The following DOCK5 variants were observed in gnomAD, a reference collection of about 807,000 sequenced individuals.
The protein encoded by DOCK5 is dedicator of cytokinesis 5, also known as dedicator of cytokinesis protein 5.
In DOCK5, 142 loss-of-function variants were observed where a neutral mutation model predicts 251.8. The ratio of observed to expected loss-of-function variants is 0.56; its 90% CI spans 0.49 to 0.65. The LOEUF (loss-of-function observed/expected upper bound fraction) is 0.65, where lower values mean the gene tolerates loss of function less well. Among genes scored for constraint, DOCK5 ranks in the 30% least tolerant of loss-of-function variants. DOCK5 has a pLI of 0.00. For synonymous variants in DOCK5, 842 were observed against 835.5 expected (o/e 1.01, Z -0.13); for missense variants, 2,111 against 2,312.3 (o/e 0.91, Z 1.79).
chr8:25,316,280 G>C (rs1222647067), intron 13 of DOCK5, among the ~76,000 whole-genome samples: 5 of 152,124 alleles, frequency 3.3e-5, no homozygotes, highest in African/African-American at 1.2e-4. Context: ...AGGAGTTTGA[G>C]ACCAGTCTGG....
In DOCK5 at chr8:25,323,855, T is replaced by C. The variant is rs1350761825; in HGVS notation, c.1623T>C (p.Asp541=). Residue 541 remains aspartate, a synonymous_variant, in exon 17 of 52, where the codon GAT becomes GAC. Coordinates refer to ENST00000276440, the MANE Select transcript of DOCK5 (RefSeq NM_024940.8). ...GTCTTTCTGCCTTTTCAGCCAGAGA[T>C]AAATCGGAGCGAGCATTTGGGGTGG... ...FRHRSSQETR[D]KSERAFGVAF... is the part of the protein sequence containing the mutation. 1.2e-6 allele frequency: 2 copies of C among 1,612,928 alleles called. No homozygotes were observed. The highest frequency in any genetic ancestry group is 1.3e-5 in the African/African-American group (1 of 74,912).
At chr8:25,324,162 T>G (rs1394699385) in intron 17 of DOCK5, among the ~76,000 whole-genome samples, 1 of 152,088 alleles carries the variant, frequency 6.6e-6, no homozygotes, top group Non-Finnish European at 1.5e-5. Context: ...TATTACTGAG[T>G]CTTCTAAGGA....
At chr8:25,353,959 T>C (rs901657201) in intron 27 of DOCK5, among the ~76,000 whole-genome samples, 25 of 142,180 alleles carry the variant, frequency 1.8e-4, no homozygotes, top group Admixed American at 3.8e-4. Flanking sequence ...GAGGTGGAGG[T>C]TGAGGTTGCA....
chr8:25,411,078 T>C, intron 51 of DOCK5, 116 bp from the exon 52 acceptor site: 2 of 1,305,514 alleles, frequency 1.5e-6, no homozygotes, highest in South Asian at 3.6e-5. Context: ...GCAAAGCCTG[T>C]GTAGATAAAC....
At chr8:25,218,352 C>T (rs940698905) in intron 1 of DOCK5, among the ~76,000 whole-genome samples, 2 of 152,126 alleles carry the variant, frequency 1.3e-5, no homozygotes, top group Non-Finnish European at 2.9e-5. Flanking sequence ...CTGCAGGGCC[C>T]GGGGTGGCCG....
rs939993933 is a variant in DOCK5, at chr8:25,325,241, G to A, written c.1720-123G>A. 3 of 967,692 alleles carry A rather than the reference G, an allele frequency of 3.1e-6. No homozygotes were observed. The South Asian group carries it at 5.2e-5, about 17-fold the overall frequency. 59.9% of individuals were successfully genotyped at this position (967,692 alleles called of 1,614,324 possible). ...ATCAGAGTATCTCAGAGGTGGAAGG[G>A]ATCTTCAGGATAAATTGATAAGTCC... On this transcript the variant is annotated intron_variant, in intron 17 of 51. Transcript: ENST00000276440.
intron 2 of DOCK5, among the ~76,000 whole-genome samples, chr8:25,249,288 A>G (rs922713813): frequency 1.0e-3 from 154 of 152,218 alleles, no homozygotes; most frequent in Non-Finnish European, 4.9e-4. Context: ...GGTGTGAGCC[A>G]TCGTGCCTGG....
At chr8:25,359,337 A>T (rs937452622) in intron 28 of DOCK5, among the ~76,000 whole-genome samples, 29 of 151,994 alleles carry the variant, frequency 1.9e-4, no homozygotes, top group African/African-American at 6.8e-4. Context: ...CATTTGGGAG[A>T]TGTTTTTTGC....
chr8:25,277,432 TA>T (rs200508223), intron 4 of DOCK5: 4 of 148,646 alleles, frequency 2.7e-5, no homozygotes, highest in African/African-American at 7.5e-5. Context: ...TCCAAAACAG[TA>T]AAAAAAAAGA....
chr8:25,221,565 C>T (rs1336819743), intron 1 of DOCK5, among the ~76,000 whole-genome samples: 1 of 152,120 alleles, frequency 6.6e-6, no homozygotes, highest in East Asian at 1.9e-4. Flanking sequence ...CCTTGGCCTC[C>T]CAAAGTGCTG....
At chr8:25,271,953 A>G (rs1163763271) in intron 3 of DOCK5, among the ~76,000 whole-genome samples, 2 of 152,252 alleles carry the variant, frequency 1.3e-5, no homozygotes. Flanking sequence ...ACAAATACAC[A>G]CATACTATGT....
intron 28 of DOCK5, among the ~76,000 whole-genome samples, chr8:25,360,454 A>G (rs1003017265): frequency 6.6e-6 from 1 of 152,124 alleles, no homozygotes; most frequent in African/African-American, 2.4e-5. Flanking sequence ...AGGAAGCCCA[A>G]GGTTAGCCAT....
intron 3 of DOCK5, among the ~76,000 whole-genome samples, chr8:25,270,585 TCAAA>T (rs966081558): frequency 1.4e-4 from 21 of 152,326 alleles, no homozygotes; most frequent in African/African-American, 5.1e-4. Context: ...AAAGCCATTC[TCAAA>T]CAAAATTATG....
Position 25,293,038 on chromosome 8 carries a change from A to T in DOCK5, c.470+866A>T, listed in dbSNP as rs190606172. Among the ~76,000 whole-genome samples, 359 of 152,300 alleles carry T rather than the reference A, an allele frequency of 2.4e-3. 1 individual carries two copies. The highest frequency in any genetic ancestry group is 8.3e-3 in the African/African-American group (345 of 41,564). ...ACTCAGGCACATATCCAGGCTCCAG[A>T]TATCACTGCCTTTAGGAAAATGAGA... On this transcript the variant is annotated intron_variant, in intron 6 of 51. Transcript: ENST00000276440.
intron 43 of DOCK5, 40 bp downstream of exon 43, chr8:25,392,020 CG>C (rs756349453): frequency 1.2e-5 from 19 of 1,588,372 alleles, no homozygotes; most frequent in Non-Finnish European, 1.5e-5. Context: ...GTAAAATTAA[CG>C]GGCTGAGCAC....
chr8:25,281,673 G>T (rs1191942601), intron 5 of DOCK5, among the ~76,000 whole-genome samples: 2 of 151,836 alleles, frequency 1.3e-5, no homozygotes, highest in Non-Finnish European at 2.9e-5. Flanking sequence ...AAGGACAGGA[G>T]TTCAAGACCA....
chr8:25,306,643 A>G (rs1054297947), intron 11 of DOCK5, among the ~76,000 whole-genome samples: 46 of 151,992 alleles, frequency 3.0e-4, no homozygotes, highest in African/African-American at 8.5e-4. Flanking sequence ...GCAGTGAGCC[A>G]AGATCACGCC....
intron 1 of DOCK5, among the ~76,000 whole-genome samples, chr8:25,215,163 G>C (rs776826243): frequency 1.3e-5 from 2 of 152,158 alleles, no homozygotes; most frequent in African/African-American, 4.8e-5. Context: ...GCCAGGGAAG[G>C]CCCTAACAAT....
At chr8:25,359,787 T>A (rs1800644320) in intron 28 of DOCK5, among the ~76,000 whole-genome samples, 1 of 152,210 alleles carries the variant, frequency 6.6e-6, no homozygotes, top group Admixed American at 6.5e-5. Flanking sequence ...CCAAAAAGGT[T>A]GGGGACTCCT....
Sources: gnomAD v4.1 joint callset for allele counts (sites outside exome capture counted in the v4.1 genomes callset) on GRCh38, gnomAD v4.1.1 for gene constraint, MANE v1.5 for transcripts, NCBI Gene and HGNC (gene_info 2026-07-23, HGNC 2026-07-21) for gene names.